CLVS1: variants seen among roughly 807,000 people sequenced by gnomAD.
The protein encoded by CLVS1 is clavesin-1.
Under a neutral mutation model 33.1 loss-of-function variants are expected in CLVS1, and 10 were observed. The observed-to-expected ratio is 0.30, with a 90% CI of 0.19 to 0.51. The LOEUF is 0.51. CLVS1 is among the 20% of genes least tolerant of loss of function. The pLI is 0.97. For missense variants in CLVS1, 343 were observed against 433.4 expected, an observed-to-expected ratio of 0.79 and a Z score of 1.85; for synonymous variants, 163 against 166.1, an observed-to-expected ratio of 0.98 and a Z score of 0.14.
At position 61,288,030 on chromosome 8, in the gene CLVS1, G is replaced by A. The variant is rs1809831877; in HGVS notation, c.-260G>A. On this transcript the variant is annotated 5_prime_UTR_variant, in exon 1 of 6. Transcript: ENST00000325897. ...GAGCTCTCATTCACAGCTTTCTAGA[G>A]AAATCTGAGCCCGAACCTGCCAGAA... 2.2e-6 allele frequency: 1 copy of A among 444,650 alleles called. No homozygotes were observed. Among genetic ancestry groups the A allele is most frequent in the Admixed American group, 2.4e-5 (1 of 41,850 alleles). 27.5% of individuals were successfully genotyped at this position (444,650 alleles called of 1,614,324 possible).
At chr8:61,133,440 A>G (rs1442234200) in intron 2 of CLVS1, among the ~76,000 whole-genome samples, 1 of 152,210 alleles carries the variant, frequency 6.6e-6, no homozygotes, top group Non-Finnish European at 1.5e-5. Context: ...GCTGTGTGGA[A>G]TAACACATGG....
rs1189218597 is a variant in CLVS1, at chr8:61,500,940, T to TA, written c.*1399dup. On this transcript the variant is annotated 3_prime_UTR_variant, in exon 6 of 6. Transcript: ENST00000325897. ...ATTATTACTAATCTTAATTATTTAT[T>TA]ACATCATCTCTTTCTCAATGGATCT... 5 of 152,220 alleles carry TA rather than the reference T, an allele frequency of 3.3e-5. No individual in the cohort carries two copies. The highest frequency in any genetic ancestry group is 7.3e-5 in the Non-Finnish European group (5 of 68,034). The allele number at this position is 152,220 out of a possible 1,614,324, so 9.4% of individuals were successfully genotyped here.
chr8:61,391,350 T>C (rs1483344044), intron 3 of CLVS1: 1 of 152,214 alleles, frequency 6.6e-6, no homozygotes, highest in African/African-American at 2.4e-5. Flanking sequence ...AGGAACCAGC[T>C]GGTCATACTC....
chr8:61,119,071 A>G (rs1805802506), intron 1 of CLVS1, among the ~76,000 whole-genome samples: 1 of 152,198 alleles, frequency 6.6e-6, no homozygotes, highest in Non-Finnish European at 1.5e-5. Flanking sequence ...TTGGGTGCAT[A>G]TATATTTAGG....
In CLVS1 at chr8:61,299,929, T is replaced by C; in HGVS notation, c.102T>C (p.Thr34=). The change falls in exon 2 of 6, where the codon ACT becomes ACC. Residue 34 remains threonine, a synonymous_variant. Coordinates refer to ENST00000325897, the MANE Select transcript of CLVS1 (RefSeq NM_173519.3). ...TACAGGCTGGACTCAGTCCAGAGAC[T>C]ATAGAGAAAGCTCGCCTGGAACTGA... The part of the protein sequence containing the change: ...THLQAGLSPE[T]IEKARLELNE... 6.2e-7 allele frequency: 1 copy of C among 1,614,010 alleles called. No homozygotes were observed. The highest frequency in any genetic ancestry group is 1.1e-5 in the South Asian group (1 of 91,080).
At chr8:61,004,763 G>A in the CLVS1 span, among the ~76,000 whole-genome samples, 1 of 152,172 alleles carries the variant, frequency 6.6e-6, no homozygotes, top group African/African-American at 2.4e-5. Flanking sequence ...GGGCAGGAAG[G>A]GAGGCCTCTG....
At chr8:61,172,447 T>G (rs929514640) in intron 2 of CLVS1, among the ~76,000 whole-genome samples, 5 of 152,114 alleles carry the variant, frequency 3.3e-5, no homozygotes, top group Admixed American at 6.6e-5. Flanking sequence ...TTCTTTCTCT[T>G]TGCAAGGAGC....
At position 61,115,978 on chromosome 8, in the gene CLVS1, T is replaced by G. The variant is rs1222201786; in HGVS notation, c.-242-15792T>G. Among the ~76,000 whole-genome samples the G allele has an allele frequency of 1.2e-4, 18 of 145,430 alleles. No homozygotes were observed. In the East Asian group the frequency reaches 2.6e-3, roughly 21 times the overall value. ...GACTTCCACAATGGTTGAACTAGTT[T>G]ACAGTCCCACCAACAGTGTAAAAGT... On this transcript the variant is annotated intron_variant, in intron 1 of 2. Transcript: ENST00000522621.
At chr8:61,479,892 A>T (rs894777728) in intron 5 of CLVS1, among the ~76,000 whole-genome samples, 14 of 152,214 alleles carry the variant, frequency 9.2e-5, no homozygotes, top group South Asian at 4.1e-4. Context: ...TGGCTGCAGA[A>T]CAGCGGATAT....
At chr8:61,333,827 A>T (rs1554560117) in intron 2 of CLVS1, among the ~76,000 whole-genome samples, 1 of 151,022 alleles carries the variant, frequency 6.6e-6, no homozygotes, top group Non-Finnish European at 1.5e-5. Context: ...TCCATTTGTT[A>T]TTTTTTTTTG....
chr8:61,077,786 T>A (rs940029091), intron 1 of CLVS1, among the ~76,000 whole-genome samples: 5 of 152,158 alleles, frequency 3.3e-5, no homozygotes, highest in Admixed American at 6.5e-5. Flanking sequence ...CTCCCAGCAC[T>A]GGGAGGAGCA....
At chr8:61,041,606 A>G in the CLVS1 span, among the ~76,000 whole-genome samples, 1 of 152,224 alleles carries the variant, frequency 6.6e-6, no homozygotes, top group Admixed American at 6.5e-5. Context: ...GTGGGATTGC[A>G]TTCCTGATTT....
intron 3 of CLVS1, among the ~76,000 whole-genome samples, chr8:61,453,087 A>T (rs79538079): frequency 3.4e-5 from 5 of 148,382 alleles, no homozygotes; most frequent in South Asian, 2.1e-4. Context: ...TCTTGCTAAC[A>T]TTTTTTTTTT....
the CLVS1 span, among the ~76,000 whole-genome samples, chr8:61,013,662 A>C: frequency 6.6e-6 from 1 of 152,232 alleles, no homozygotes. Context: ...GCTGATCTGC[A>C]AATCTGCACG....
intron 2 of CLVS1, among the ~76,000 whole-genome samples, chr8:61,350,064 C>G (rs540604310): frequency 2.0e-5 from 3 of 152,008 alleles, no homozygotes; most frequent in Admixed American, 6.6e-5. Flanking sequence ...ATATGTTGGT[C>G]AAAGGATATA....
chr8:61,091,523 G>A (rs926867881), intron 1 of CLVS1, among the ~76,000 whole-genome samples: 12 of 152,138 alleles, frequency 7.9e-5, no homozygotes, highest in African/African-American at 2.9e-4. Context: ...GAATGAGGGA[G>A]CAGATTTCTT....
intron 2 of CLVS1, among the ~76,000 whole-genome samples, chr8:61,367,242 C>T (rs1473120041): frequency 6.6e-6 from 1 of 152,184 alleles, no homozygotes; most frequent in Non-Finnish European, 1.5e-5. Flanking sequence ...CCTTCATCAG[C>T]ATAACAGTCA....
At chr8:61,336,273 G>T (rs189375868) in intron 2 of CLVS1, among the ~76,000 whole-genome samples, 1 of 152,292 alleles carries the variant, frequency 6.6e-6, no homozygotes, top group East Asian at 1.9e-4. Context: ...ATGGGGGTCT[G>T]CTTTGTTATT....
chr8:61,039,870 GTACATGTACAGGTTTGT>G, the CLVS1 span, among the ~76,000 whole-genome samples: 2 of 152,158 alleles, frequency 1.3e-5, no homozygotes, highest in Non-Finnish European at 2.9e-5. Flanking sequence ...GATTCAGGGG[GTACATGTACAGGTTTGT>G]TACATGAGCA....
Sources: gnomAD v4.1 joint callset for allele counts (sites outside exome capture counted in the v4.1 genomes callset) on GRCh38, gnomAD v4.1.1 for gene constraint, MANE v1.5 for transcripts, NCBI Gene and HGNC (gene_info 2026-07-23, HGNC 2026-07-21) for gene names.